The following PCDHA4 variants were observed in gnomAD, a reference collection of about 807,000 sequenced individuals.
PCDHA4 encodes the protein protocadherin alpha 4.
PCDHA4 carries 49 observed loss-of-function variants against 61.4 expected under a neutral mutation model. The ratio of observed to expected loss-of-function variants is 0.80; its 90% CI spans 0.63 to 1.01. The LOEUF is 1.01. PCDHA4 is among the 50% of genes least tolerant of loss of function. PCDHA4 has a pLI of 0.00. For missense variants in PCDHA4, 1,254 were observed against 1,235.8 expected (o/e 1.01, Z -0.22); for synonymous variants, 590 against 550.3 (o/e 1.07, Z -1.01).
chr5:140,898,671 G>A lies in PCDHA4; in HGVS notation c.2386-80278G>A, dbSNP rs1419362877. 2.2e-4 allele frequency among the ~76,000 whole-genome samples: 33 copies of A among 152,200 alleles called. No homozygotes were observed. The East Asian group carries it at 2.3e-3, about 11-fold the overall frequency. On this transcript the variant is annotated intron_variant, in intron 1 of 3. Transcript: ENST00000530339. ...TGGCTTAGGATTGACTTGGTGTTGCGGGCTGTTTTTTGGTTCCATATGAAC... is the reference window on the plus strand; with the variant it reads ...TGGCTTAGGATTGACTTGGTGTTGCAGGCTGTTTTTTGGTTCCATATGAAC...
At chr5:140,971,209 C>T (rs147218200) in intron 1 of PCDHA4, among the ~76,000 whole-genome samples, 3 of 152,118 alleles carry the variant, frequency 2.0e-5, no homozygotes, top group African/African-American at 7.2e-5. Context: ...ACACTGTTAC[C>T]CTCCCTCTCC....
chr5:140,953,055 T>C (rs1389436711), intron 1 of PCDHA4, among the ~76,000 whole-genome samples: 3 of 152,178 alleles, frequency 2.0e-5, no homozygotes, highest in African/African-American at 7.2e-5. Flanking sequence ...CAATCACCTC[T>C]CACAGGCCCC....
Position 140,857,636 on chromosome 5 carries a change from C to T in PCDHA4, c.2385+48064C>T, listed in dbSNP as rs370617893. The T allele has an allele frequency of 1.0e-4, 159 of 1,596,480 alleles. 20 individuals are homozygous for T. The highest frequency in any genetic ancestry group is 1.3e-4 in the Non-Finnish European group (153 of 1,167,700). Reference sequence around the variant, plus strand: ...GCTGGACCACGAGGAGCTGGAGCTGCTACAGTTCCAGGTGAGCGCGCGCGA... The same window carrying T: ...GCTGGACCACGAGGAGCTGGAGCTGTTACAGTTCCAGGTGAGCGCGCGCGA... On this transcript the variant is annotated intron_variant, in intron 1 of 3. Transcript: ENST00000530339.
chr5:141,006,618 A>G (rs74748321), intron 3 of PCDHA4, among the ~76,000 whole-genome samples: 53 of 152,290 alleles, frequency 3.5e-4, no homozygotes, highest in African/African-American at 1.3e-3. Flanking sequence ...GAATAAGGAG[A>G]CTATTGCTGC....
At chr5:140,935,981 C>T (rs1206046231) in intron 1 of PCDHA4, among the ~76,000 whole-genome samples, 2 of 151,096 alleles carry the variant, frequency 1.3e-5, no homozygotes, top group Non-Finnish European at 2.9e-5. Context: ...CAATCTCTGC[C>T]TCCCGGGTTC....
At chr5:140,857,673 C>T (rs372854727) in intron 1 of PCDHA4, 3 of 1,596,826 alleles carry the variant, frequency 1.9e-6, no homozygotes, top group Non-Finnish European at 2.6e-6. Context: ...GGGGGCGTGC[C>T]GCCTCTGGGC....
At chr5:140,894,193 T>G (rs1481492058) in intron 1 of PCDHA4, among the ~76,000 whole-genome samples, 1 of 152,170 alleles carries the variant, frequency 6.6e-6, no homozygotes, top group Non-Finnish European at 1.5e-5. Context: ...TATATATTTT[T>G]TCTATGCTAT....
Position 140,985,833 on chromosome 5 carries a change from G to A in PCDHA4, c.2533+3270G>A, listed in dbSNP as rs1458914557. Among the ~76,000 whole-genome samples the A allele has an allele frequency of 2.8e-5, 4 of 143,674 alleles. No homozygotes were observed. In the East Asian group the frequency reaches 6.5e-4, roughly 23 times the overall value. The allele number at this position is 143,674 out of a possible 152,430, so 94.3% of individuals were successfully genotyped here. A position where few individuals can be genotyped will look rare whatever the true frequency, so the allele number is the denominator to read the frequency against. ...CAGCTCACAACAAGCTCTGCCTCCC[G>A]GGTTCATGCCACTCTCCTGCCTCAG... On this transcript the variant is annotated intron_variant, in intron 3 of 3. Coordinates refer to ENST00000530339, the MANE Select transcript of PCDHA4 (RefSeq NM_018907.4).
chr5:140,831,604 C>G (rs1771639658), intron 1 of PCDHA4, among the ~76,000 whole-genome samples: 1 of 148,704 alleles, frequency 6.7e-6, no homozygotes. Context: ...TGCAAGTGAT[C>G]TGCCCACCTT....
intron 1 of PCDHA4, among the ~76,000 whole-genome samples, chr5:140,919,088 T>C (rs2153552205): frequency 6.6e-6 from 1 of 152,378 alleles, no homozygotes; most frequent in South Asian, 2.1e-4. Context: ...TATTGAATTG[T>C]CTATTTCTCC....
At chr5:140,819,788 G>A (rs1554127750) in intron 1 of PCDHA4, among the ~76,000 whole-genome samples, 1 of 151,984 alleles carries the variant, frequency 6.6e-6, no homozygotes. Context: ...AAGTACATGA[G>A]ATATTTTTTC....
intron 3 of PCDHA4, among the ~76,000 whole-genome samples, chr5:140,983,718 T>C (rs2097062684): frequency 6.6e-6 from 1 of 152,248 alleles, no homozygotes; most frequent in South Asian, 2.1e-4. Context: ...CTAGCACTTA[T>C]ATTCATAACA....
At chr5:140,875,667 G>T in intron 1 of PCDHA4, 1 of 1,613,820 alleles carries the variant, frequency 6.2e-7, no homozygotes, top group Non-Finnish European at 8.5e-7. Flanking sequence ...GCCTGTTCCG[G>T]GTGGCGTCCA....
At position 140,971,106 on chromosome 5, in the gene PCDHA4, G is replaced by T. The variant is rs529915701; in HGVS notation, c.2386-7843G>T. Among the ~76,000 whole-genome samples, 46 of 152,304 alleles carry T rather than the reference G, an allele frequency of 3.0e-4. No homozygotes were observed. In the South Asian group the frequency reaches 4.1e-3, roughly 14 times the overall value. ...AACAAATTCTTGTGAAGCCCTTTGG[G>T]ATTGGGGTGGGCTACAGGTGGTGAA... is the stretch of plus-strand genomic sequence containing the variant. On this transcript the variant is annotated intron_variant, in intron 1 of 3. Transcript: ENST00000530339.
intron 1 of PCDHA4, chr5:140,926,588 C>A: frequency 3.4e-6 from 1 of 293,528 alleles, no homozygotes; most frequent in Admixed American, 5.0e-5. Context: ...CTCTCGCGCC[C>A]GGGCGGGCGG....
In PCDHA4 at chr5:140,852,619, G is replaced by C. The variant is rs147501708; in HGVS notation, c.2385+43047G>C. On this transcript the variant is annotated intron_variant, in intron 1 of 3. Transcript: ENST00000530339. ...TGTCATTTTCTTTCAAAACTTGAGT[G>C]GTCTCTGAGCTCCTGTCATTAAACC... The C allele has an allele frequency of 3.4e-4, 315 of 937,802 alleles. 5 individuals carry two copies. The East Asian group carries it at 0.027, about 79-fold the overall frequency. The allele number at this position is 937,802 out of a possible 1,614,324, so 58.1% of individuals were successfully genotyped here.
intron 1 of PCDHA4, among the ~76,000 whole-genome samples, chr5:140,949,671 G>A (rs1316716969): frequency 6.6e-6 from 1 of 151,584 alleles, no homozygotes. Context: ...TTTAAAGTAT[G>A]CCCTTGTTGA....
At chr5:140,846,889 C>A (rs1378591011) in intron 1 of PCDHA4, among the ~76,000 whole-genome samples, 1 of 149,358 alleles carries the variant, frequency 6.7e-6, no homozygotes. Flanking sequence ...ATCAGAATGA[C>A]GTTGAAGTTG....
At position 140,967,080 on chromosome 5, in the gene PCDHA4, T is replaced by C. The variant is rs781942171; in HGVS notation, c.2386-11869T>C. On this transcript the variant is annotated intron_variant, in intron 1 of 3. Transcript: ENST00000530339. The stretch of plus-strand genomic sequence containing the variant: ...GGAGCGCTCTTCGTCAACGAGCGCA[T>C]TGATCGGGAGGCGCTGTGTGAGCAG... 168 of 1,613,222 alleles carry C rather than the reference T, an allele frequency of 1.0e-4. No homozygotes were observed. The highest frequency in any genetic ancestry group is 3.7e-4 in the Admixed American group (22 of 60,010).
Sources: allele counts gnomAD v4.1 joint callset (sites outside exome capture counted in the v4.1 genomes callset), GRCh38; gene constraint gnomAD v4.1.1; transcripts MANE v1.5; gene names NCBI Gene and HGNC (gene_info 2026-07-23, HGNC 2026-07-21).